ZNF385D: variants seen among roughly 807,000 people sequenced by gnomAD.
ZNF385D encodes the protein zinc finger protein 385D, also known as zinc finger protein 659.
ZNF385D carries 15 observed loss-of-function variants against 35.8 expected under a neutral mutation model. The observed-to-expected ratio is 0.42, with a 90% CI of 0.28 to 0.64. ZNF385D has a LOEUF of 0.64. Ranked by LOEUF, ZNF385D falls within the 30% of genes least tolerant of loss-of-function variation. The pLI is 0.23. For synonymous variants in ZNF385D, 212 were observed against 186.8 expected, an observed-to-expected ratio of 1.13 and a Z score of -1.10; for missense variants, 474 against 494.6, an observed-to-expected ratio of 0.96 and a Z score of 0.39.
intron 2 of ZNF385D, among the ~76,000 whole-genome samples, chr3:21,575,376 AAATT>A (rs1168290802): frequency 1.3e-5 from 2 of 152,178 alleles, no homozygotes; most frequent in African/African-American, 2.4e-5. Flanking sequence ...TTTAACAAAT[AAATT>A]CATTCAACTA....
intron 2 of ZNF385D, among the ~76,000 whole-genome samples, chr3:22,183,165 G>C (rs1343431023): frequency 2.0e-5 from 3 of 152,036 alleles, no homozygotes; most frequent in Non-Finnish European, 2.9e-5. Context: ...ACTATAGCAT[G>C]AATAGTTAAG....
chr3:22,210,553 G>C (rs541548946), intron 2 of ZNF385D, among the ~76,000 whole-genome samples: 49 of 151,968 alleles, frequency 3.2e-4, no homozygotes, highest in African/African-American at 9.4e-4. Context: ...AAAATATATA[G>C]TTCTTGATCT....
chr3:22,273,087 G>T (rs1409489370), intron 2 of ZNF385D, among the ~76,000 whole-genome samples: 2 of 151,796 alleles, frequency 1.3e-5, no homozygotes, highest in Non-Finnish European at 2.9e-5. Flanking sequence ...AAAAAAAAGA[G>T]AAAATAGGCA....
At chr3:22,148,999 A>AACC (rs1197011200) in intron 3 of ZNF385D, among the ~76,000 whole-genome samples, 1 of 152,110 alleles carries the variant, frequency 6.6e-6, no homozygotes, top group East Asian at 1.9e-4. Context: ...GAGCTGCAAA[A>AACC]ACCAGTTAAG....
At chr3:22,123,089 T>C (rs1011556373) in intron 3 of ZNF385D, among the ~76,000 whole-genome samples, 2 of 152,112 alleles carry the variant, frequency 1.3e-5, no homozygotes, top group Non-Finnish European at 2.9e-5. Context: ...TCTGTTCTGA[T>C]AGAAACACTC....
In ZNF385D at chr3:22,267,916, C is replaced by T. The variant is rs116726803; in HGVS notation, c.107-98881G>A. On this transcript the variant is annotated intron_variant, in intron 2 of 5. Transcript: ENST00000494108. ...ATGTGTTTCTACTTAAAGTAAAAAA[C>T]GAAAAACAAAAAGCAAACCCCAAAC... 4.9e-3 allele frequency among the ~76,000 whole-genome samples: 740 copies of T among 151,824 alleles called. 3 individuals are homozygous for T. Among genetic ancestry groups the T allele is most frequent in the African/African-American group, 0.017 (690 of 41,456 alleles).
At chr3:21,755,031 G>C (rs539984513), upstream of ZNF385D, among the ~76,000 whole-genome samples, 1 of 152,196 alleles carries the variant, frequency 6.6e-6, no homozygotes, top group Non-Finnish European at 1.5e-5. Flanking sequence ...ATTCCATTCA[G>C]TACAGATGCC....
At chr3:21,989,778 A>C (rs1337492196) in intron 3 of ZNF385D, among the ~76,000 whole-genome samples, 2 of 152,200 alleles carry the variant, frequency 1.3e-5, no homozygotes, top group Admixed American at 1.3e-4. Context: ...CAACTGACCC[A>C]GGTTACACAA....
intron 1 of ZNF385D, among the ~76,000 whole-genome samples, chr3:21,718,554 G>A (rs1259242053): frequency 1.3e-5 from 2 of 152,110 alleles, no homozygotes; most frequent in East Asian, 3.8e-4. Flanking sequence ...ATCCTACAAG[G>A]CAGGTGCCAT....
At chr3:21,476,706 T>C (rs139663698) in intron 4 of ZNF385D, among the ~76,000 whole-genome samples, 3 of 152,246 alleles carry the variant, frequency 2.0e-5, no homozygotes, top group Admixed American at 6.5e-5. Context: ...AGAATTAAAA[T>C]AGAACCTTTC....
chr3:21,425,804 C>A, intron 5 of ZNF385D, 134 bp from the exon 6 acceptor site: 1 of 724,604 alleles, frequency 1.4e-6, no homozygotes, highest in South Asian at 4.1e-5. Context: ...AAATCTGATG[C>A]CTCATTTTAG....
chr3:22,049,067 T>C (rs1413653460), intron 3 of ZNF385D, among the ~76,000 whole-genome samples: 2 of 151,936 alleles, frequency 1.3e-5, no homozygotes, highest in Admixed American at 1.3e-4. Context: ...GAGGCCTATG[T>C]GGGTGGATAA....
chr3:21,911,592 T>A (rs259549), intron 3 of ZNF385D, among the ~76,000 whole-genome samples: 65,070 of 151,734 alleles, frequency 0.43, 14,222 homozygotes, highest in Middle Eastern at 0.55. Flanking sequence ...ATCACTTGAC[T>A]GAATAAATTG....
At chr3:22,256,355 T>C (rs1207717691) in intron 2 of ZNF385D, among the ~76,000 whole-genome samples, 3 of 151,660 alleles carry the variant, frequency 2.0e-5, no homozygotes, top group African/African-American at 7.3e-5. Context: ...ATGACTACTT[T>C]TTATGCTCTG....
chr3:22,176,181 C>G (rs1694820700), intron 2 of ZNF385D, among the ~76,000 whole-genome samples: 1 of 151,850 alleles, frequency 6.6e-6, no homozygotes, highest in Non-Finnish European at 1.5e-5. Flanking sequence ...TATTCTAACA[C>G]AACATTCAGC....
At chr3:21,648,872 TTAG>T (rs2065830179) in intron 2 of ZNF385D, among the ~76,000 whole-genome samples, 1 of 152,152 alleles carries the variant, frequency 6.6e-6, no homozygotes, top group African/African-American at 2.4e-5. Flanking sequence ...TGAGATGCAC[TTAG>T]TAGTATTTTC....
rs1553705221 is a variant in ZNF385D at position 21,949,546 on chromosome 3, C to CTTTTTTTTTTTTTTTTTTT, written c.325+219270_325+219271insAAAAAAAAAAAAAAAAAAA. ...TGCCCCTATTTTCTTTCCTTCTTTTCTTTCTTTCTTTTTTTTTTTTTTTTA... is the reference window on the plus strand; with the variant it reads ...TGCCCCTATTTTCTTTCCTTCTTTTCTTTTTTTTTTTTTTTTTTTTTTCTTTCTTTTTTTTTTTTTTTTA... On this transcript the variant is annotated intron_variant, in intron 3 of 5. Transcript: ENST00000494108. Among the ~76,000 whole-genome samples the CTTTTTTTTTTTTTTTTTTT allele has an allele frequency of 2.9e-4, 9 of 31,134 alleles. 2 individuals are homozygous for CTTTTTTTTTTTTTTTTTTT. Among genetic ancestry groups the CTTTTTTTTTTTTTTTTTTT allele is most frequent in the Admixed American group, 6.8e-4 (2 of 2,920 alleles). The allele number at this position is 31,134 out of a possible 152,430, so 20.4% of individuals were successfully genotyped here.
chr3:22,164,550 A>C (rs1308027885), intron 3 of ZNF385D, among the ~76,000 whole-genome samples: 4 of 151,702 alleles, frequency 2.6e-5, no homozygotes, highest in Admixed American at 2.6e-4. Flanking sequence ...TTTAAAGGGA[A>C]TTGAGAAAGA....
chr3:22,175,982 CT>C (rs1365454635), intron 2 of ZNF385D, among the ~76,000 whole-genome samples: 1 of 150,552 alleles, frequency 6.6e-6, no homozygotes, highest in African/African-American at 2.4e-5. Context: ...GTCACAATAT[CT>C]TCTATATTTC....
Sources: allele counts gnomAD v4.1 joint callset (sites outside exome capture counted in the v4.1 genomes callset), GRCh38; gene constraint gnomAD v4.1.1; transcripts MANE v1.5; gene names NCBI Gene and HGNC (gene_info 2026-07-23, HGNC 2026-07-21).